The following PCSK2 variants were observed in gnomAD, a reference collection of about 807,000 sequenced individuals.
PCSK2 encodes neuroendocrine convertase 2.
In PCSK2, 14 loss-of-function variants were observed where a neutral mutation model predicts 69.7. That is an observed-to-expected ratio of 0.20 (90% confidence interval 0.13 to 0.31). The LOEUF is 0.31. PCSK2 is among the 10% of genes least tolerant of loss of function. The probability of loss-of-function intolerance (pLI) is 1.00; values close to 1 mark genes in which losing one functional copy is unlikely to be tolerated. For missense variants in PCSK2, 544 were observed against 842.5 expected, an observed-to-expected ratio of 0.65 and a Z score of 4.39; for synonymous variants, 307 against 320.7, an observed-to-expected ratio of 0.96 and a Z score of 0.46.
intron 5 of PCSK2, among the ~76,000 whole-genome samples, chr20:17,379,699 T>G (rs2123250397): frequency 6.6e-6 from 1 of 152,348 alleles, no homozygotes; most frequent in East Asian, 1.9e-4. Flanking sequence ...CCTGTGAATA[T>G]GATGAGATAT....
chr20:17,303,794 C>T (rs1235317427), intron 2 of PCSK2, among the ~76,000 whole-genome samples: 1 of 147,946 alleles, frequency 6.8e-6, no homozygotes, highest in Non-Finnish European at 1.5e-5. Context: ...CCAGGTTGGT[C>T]TTGAACTCCT....
chr20:17,229,592 A>G, intron 1 of PCSK2, among the ~76,000 whole-genome samples: 1 of 151,680 alleles, frequency 6.6e-6, no homozygotes, highest in South Asian at 2.1e-4. Context: ...GAGCACACTG[A>G]TTTTGCATCA....
chr20:17,460,092 T>C (rs758427143), intron 10 of PCSK2, among the ~76,000 whole-genome samples: 6 of 152,198 alleles, frequency 3.9e-5, no homozygotes, highest in Non-Finnish European at 7.3e-5. Flanking sequence ...GGAATCCAGC[T>C]CTTTCTAGCT....
intron 2 of PCSK2, among the ~76,000 whole-genome samples, chr20:17,291,615 C>A (rs1191718744): frequency 1.1e-4 from 17 of 152,120 alleles, no homozygotes; most frequent in African/African-American, 2.4e-5. Context: ...TGGATGCTAC[C>A]AATTGTCCTC....
chr20:17,424,276 T>A (rs1199857124), intron 6 of PCSK2, among the ~76,000 whole-genome samples: 6 of 152,214 alleles, frequency 3.9e-5, no homozygotes, highest in African/African-American at 1.4e-4. Context: ...AAGCCAATTT[T>A]ACATAGATCA....
chr20:17,343,480 C>G (rs1233121923), intron 2 of PCSK2, among the ~76,000 whole-genome samples: 1 of 152,328 alleles, frequency 6.6e-6, no homozygotes, highest in South Asian at 2.1e-4. Context: ...CAGCAACCAA[C>G]CTCACTTCTC....
chr20:17,348,074 AG>A (rs1157368829), intron 2 of PCSK2, among the ~76,000 whole-genome samples: 62 of 148,384 alleles, frequency 4.2e-4, no homozygotes, highest in African/African-American at 1.5e-3. Context: ...AAAGAAAGAA[AG>A]AAAGAAAGAA....
chr20:17,250,492 T>C (rs1242233033), intron 1 of PCSK2, among the ~76,000 whole-genome samples: 2 of 152,214 alleles, frequency 1.3e-5, no homozygotes, highest in Admixed American at 6.5e-5. Flanking sequence ...GCCAGGTTTC[T>C]CCACTATAAA....
intron 5 of PCSK2, among the ~76,000 whole-genome samples, chr20:17,394,439 A>G (rs1279442828): frequency 2.0e-5 from 3 of 152,214 alleles, no homozygotes; most frequent in South Asian, 2.1e-4. Context: ...GGAAGAGGAC[A>G]TGTCCTTGAA....
intron 5 of PCSK2, among the ~76,000 whole-genome samples, chr20:17,376,293 C>A (rs1048779345): frequency 6.6e-5 from 10 of 152,228 alleles, no homozygotes; most frequent in African/African-American, 2.4e-4. Context: ...TAGCTGAGCC[C>A]AGCCCAGAGC....
In PCSK2 at chr20:17,484,403, A is replaced by G. The variant is rs529499679; in HGVS notation, c.*2333A>G. ...GTCTCGCTAGTGATGTTTTTATGAT[A>G]TCCCTGATCCTAACTGAAGAGACAG... On this transcript the variant is annotated 3_prime_UTR_variant, in exon 12 of 12. Coordinates refer to ENST00000262545, the MANE Select transcript of PCSK2 (RefSeq NM_002594.5). The G allele has an allele frequency of 2.0e-5, 3 of 152,584 alleles. No individual in the cohort carries two copies. Among genetic ancestry groups the G allele is most frequent in the Non-Finnish European group, 4.4e-5 (3 of 67,996 alleles). 9.5% of individuals were successfully genotyped at this position (152,584 alleles called of 1,614,324 possible). A position where few individuals can be genotyped will look rare whatever the true frequency, so the allele number is the denominator to read the frequency against.
At chr20:17,431,454 T>C (rs1298143599) in intron 7 of PCSK2, among the ~76,000 whole-genome samples, 1 of 152,222 alleles carries the variant, frequency 6.6e-6, no homozygotes, top group African/African-American at 2.4e-5. Flanking sequence ...GCCTGCTGAA[T>C]GCAGCCTGAC....
intron 5 of PCSK2, among the ~76,000 whole-genome samples, chr20:17,403,611 G>T (rs965652751): frequency 7.2e-5 from 11 of 152,222 alleles, no homozygotes; most frequent in African/African-American, 1.7e-4. Context: ...TGCAATTTCA[G>T]CTAATACTGT....
chr20:17,345,819 C>G lies in PCSK2; in HGVS notation c.283-12508C>G, dbSNP rs181701842. Among the ~76,000 whole-genome samples, 19 of 152,274 alleles carry G rather than the reference C, an allele frequency of 1.2e-4. No homozygotes were observed. In the East Asian group the frequency reaches 3.5e-3, roughly 28 times the overall value. ...TGGATCAAATCAAGAATACTCTCCA[C>G]CCACCCATCTCCCCCGTTTTCATCA... On this transcript the variant is annotated intron_variant, in intron 2 of 11. Coordinates refer to ENST00000262545, the MANE Select transcript of PCSK2 (RefSeq NM_002594.5).
At chr20:17,253,955 C>A (rs923504712) in intron 1 of PCSK2, among the ~76,000 whole-genome samples, 1 of 152,136 alleles carries the variant, frequency 6.6e-6, no homozygotes, top group African/African-American at 2.4e-5. Flanking sequence ...AACTTGCATT[C>A]TCTGATGTCT....
rs1369690806 is a variant in PCSK2, at chr20:17,410,314, C to T, written c.620+975C>T. Among the ~76,000 whole-genome samples the T allele has an allele frequency of 2.0e-5, 3 of 152,114 alleles. No homozygotes were observed. In the East Asian group the frequency reaches 5.8e-4, roughly 29 times the overall value. ...TTTCCAAATCCACATTTGTACTATTCTTTGCTGAGTATCATTTCTATTATT... is the reference window on the plus strand; with the variant it reads ...TTTCCAAATCCACATTTGTACTATTTTTTGCTGAGTATCATTTCTATTATT... On this transcript the variant is annotated intron_variant, in intron 6 of 11. Coordinates refer to ENST00000262545, the MANE Select transcript of PCSK2 (RefSeq NM_002594.5).
rs565474029 is a variant in PCSK2, at chr20:17,313,211, C to T, written c.283-45116C>T. On this transcript the variant is annotated intron_variant, in intron 2 of 11. Coordinates refer to ENST00000262545, the MANE Select transcript of PCSK2 (RefSeq NM_002594.5). ...TTACACTCTTATTTTCATTCTTAGTCTTCAAAATCCAGTGTGTATTGTCCA... is the reference window on the plus strand; with the variant it reads ...TTACACTCTTATTTTCATTCTTAGTTTTCAAAATCCAGTGTGTATTGTCCA... Among the ~76,000 whole-genome samples, 4 of 152,308 alleles carry T rather than the reference C, an allele frequency of 2.6e-5. No individual in the cohort carries two copies. In the South Asian group the frequency reaches 8.3e-4, roughly 32 times the overall value.
At chr20:17,255,601 A>G (rs1458934523) in intron 1 of PCSK2, among the ~76,000 whole-genome samples, 1 of 152,194 alleles carries the variant, frequency 6.6e-6, no homozygotes, top group East Asian at 1.9e-4. Flanking sequence ...TCAGCCTCCC[A>G]AAGTGCTGGG....
intron 6 of PCSK2, among the ~76,000 whole-genome samples, chr20:17,412,891 A>T (rs1244593241): frequency 2.6e-5 from 4 of 152,228 alleles, no homozygotes; most frequent in Non-Finnish European, 5.9e-5. Flanking sequence ...ATTCTTAAAG[A>T]AAAGAATTTT....
Sources: allele counts gnomAD v4.1 joint callset (sites outside exome capture counted in the v4.1 genomes callset), GRCh38; gene constraint gnomAD v4.1.1; transcripts MANE v1.5; gene names NCBI Gene and HGNC (gene_info 2026-07-23, HGNC 2026-07-21).